The following ZFHX3 variants were observed in gnomAD, a reference collection of about 807,000 sequenced individuals.
The protein encoded by ZFHX3 is zinc finger homeobox 3, also known as zinc finger homeobox protein 3.
In ZFHX3, 42 loss-of-function variants were observed where a neutral mutation model predicts 279.1. That is an observed-to-expected ratio of 0.15 (90% CI 0.12 to 0.19). ZFHX3 has a LOEUF of 0.19. ZFHX3 is among the 10% of genes least tolerant of loss of function. The pLI is 1.00. For synonymous variants in ZFHX3, 2,293 were observed against 1,957.8 expected (o/e 1.17, Z -4.52); for missense variants, 4,981 against 4,754.0 (o/e 1.05, Z -1.40).
At chr16:73,739,062 C>T (rs1363415708) in intron 1 of ZFHX3, among the ~76,000 whole-genome samples, 1 of 152,182 alleles carries the variant, frequency 6.6e-6, no homozygotes, top group Non-Finnish European at 1.5e-5. Context: ...AAGGAGCGGT[C>T]GAGGCTTCCT....
At chr16:73,666,773 T>C (rs2052846764) in intron 2 of ZFHX3, among the ~76,000 whole-genome samples, 1 of 151,862 alleles carries the variant, frequency 6.6e-6, no homozygotes, top group Admixed American at 6.6e-5. Flanking sequence ...AGTCAATCCA[T>C]CTGCCCTGTC....
At chr16:73,418,349 A>G (rs532033303) in intron 3 of ZFHX3, among the ~76,000 whole-genome samples, 3 of 69,204 alleles carry the variant, frequency 4.3e-5, no homozygotes, top group African/African-American at 9.5e-5. Flanking sequence ...CTCAACTCCC[A>G]GAAGCTACCT....
chr16:73,282,572 T>G (rs997208279), intron 4 of ZFHX3, among the ~76,000 whole-genome samples: 2 of 152,202 alleles, frequency 1.3e-5, no homozygotes, highest in African/African-American at 4.8e-5. Flanking sequence ...TTGCTTTGTC[T>G]TTTGTTTTCT....
chr16:73,821,960 T>C (rs980636211), intron 1 of ZFHX3, among the ~76,000 whole-genome samples: 9 of 152,204 alleles, frequency 5.9e-5, no homozygotes, highest in African/African-American at 2.2e-4. Flanking sequence ...TTTCTGATGC[T>C]TGGCAGCCCA....
intron 4 of ZFHX3, among the ~76,000 whole-genome samples, chr16:72,845,900 ATAGC>A (rs2037467249): frequency 6.6e-6 from 1 of 152,212 alleles, no homozygotes; most frequent in African/African-American, 2.4e-5. Context: ...TGAAGGTCAC[ATAGC>A]TAGGAGGTGA....
intron 1 of ZFHX3, among the ~76,000 whole-genome samples, chr16:73,781,002 A>G (rs1162379130): frequency 6.6e-6 from 1 of 152,258 alleles, no homozygotes; most frequent in Non-Finnish European, 1.5e-5. Flanking sequence ...TGTAAAAGCT[A>G]CAGCTTTTGC....
rs551906538 is a variant in ZFHX3 at position 73,227,172 on chromosome 16, C to CA, written c.-1104+29874dup. On this transcript the variant is annotated intron_variant, in intron 5 of 17. Coordinates refer to the ZFHX3 transcript ENST00000641206. ...GCATCTCATAATTGGAGTTAAATGA[C>CA]AAAAAAAATGAGGAGATAATAAAGT... 7.6e-4 allele frequency among the ~76,000 whole-genome samples: 114 copies of CA among 150,952 alleles called. 2 individuals are homozygous for CA. The highest frequency in any genetic ancestry group is 7.2e-3 in the South Asian group (34 of 4,750).
chr16:72,996,907 A>G (rs994568153), intron 1 of ZFHX3, among the ~76,000 whole-genome samples: 20 of 152,346 alleles, frequency 1.3e-4, no homozygotes, highest in Admixed American at 8.5e-4. Flanking sequence ...AGGTATTACT[A>G]CTGACAACTG....
At chr16:73,791,510 C>T (rs996309735) in intron 1 of ZFHX3, among the ~76,000 whole-genome samples, 12 of 152,110 alleles carry the variant, frequency 7.9e-5, no homozygotes, top group African/African-American at 2.4e-4. Flanking sequence ...CTGCGACCTC[C>T]GTCTCCCAGG....
chr16:73,512,731 G>T (rs1167700816), intron 2 of ZFHX3, among the ~76,000 whole-genome samples: 2 of 152,202 alleles, frequency 1.3e-5, no homozygotes, highest in African/African-American at 4.8e-5. Flanking sequence ...TAGTAAACAG[G>T]CAAGAGAAGA....
intron 1 of ZFHX3, among the ~76,000 whole-genome samples, chr16:73,044,490 T>G (rs919779310): frequency 6.6e-6 from 1 of 151,882 alleles, no homozygotes; most frequent in Non-Finnish European, 1.5e-5. Flanking sequence ...CGAGTGAGGG[T>G]GAGATGGAGT....
chr16:73,383,362 C>T (rs573488855), intron 3 of ZFHX3, among the ~76,000 whole-genome samples: 3 of 152,254 alleles, frequency 2.0e-5, no homozygotes, highest in Admixed American at 6.5e-5. Flanking sequence ...GGCAAAAAGC[C>T]GAGGCTGTAG....
chr16:73,142,709 T>C (rs1228170808), intron 6 of ZFHX3, among the ~76,000 whole-genome samples: 2 of 152,208 alleles, frequency 1.3e-5, no homozygotes, highest in African/African-American at 4.8e-5. Flanking sequence ...GATGTTGATA[T>C]GGTAATAAAA....
intron 3 of ZFHX3, among the ~76,000 whole-genome samples, chr16:72,929,043 G>C (rs1036855696): frequency 1.3e-5 from 2 of 151,904 alleles, no homozygotes; most frequent in African/African-American, 2.4e-5. Context: ...TTCAAGAACA[G>C]TCAGGCCAAC....
rs142816083 is a variant in ZFHX3 at position 73,705,152 on chromosome 16, C to A, written c.-1607-24912G>T. 4.2e-3 allele frequency among the ~76,000 whole-genome samples: 637 copies of A among 152,262 alleles called. 28 individuals are homozygous for A. Among genetic ancestry groups the A allele is most frequent in the Admixed American group, 0.037 (571 of 15,306 alleles). On this transcript the variant is annotated intron_variant, in intron 1 of 17. Transcript: ENST00000641206. ...AAAATAATTACAAAGTGATTATTAT[C>A]TTTGCTTTTAATATAATTTAATTAT...
intron 1 of ZFHX3, among the ~76,000 whole-genome samples, chr16:73,771,495 C>T (rs545033758): frequency 1.9e-4 from 29 of 152,280 alleles, no homozygotes; most frequent in Non-Finnish European, 3.2e-4. Flanking sequence ...AGGAATTTTC[C>T]TCATTGGCCT....
chr16:73,790,858 C>A (rs1026223074), intron 1 of ZFHX3, among the ~76,000 whole-genome samples: 1 of 152,232 alleles, frequency 6.6e-6, no homozygotes, highest in Non-Finnish European at 1.5e-5. Context: ...TTCCACCAGT[C>A]AGAACTGGAA....
chr16:73,766,773 C>G (rs1033636726), intron 1 of ZFHX3, among the ~76,000 whole-genome samples: 2 of 152,098 alleles, frequency 1.3e-5, no homozygotes, highest in South Asian at 2.1e-4. Context: ...TGTCGCCACT[C>G]ACTGTGCCCA....
intron 5 of ZFHX3, among the ~76,000 whole-genome samples, chr16:73,202,874 T>C (rs2011657578): frequency 6.7e-6 from 1 of 149,074 alleles, no homozygotes; most frequent in Non-Finnish European, 1.5e-5. Flanking sequence ...CTGAACTACC[T>C]GGGGTGCCAC....
Sources: gnomAD v4.1 joint callset for allele counts (sites outside exome capture counted in the v4.1 genomes callset) on GRCh38, gnomAD v4.1.1 for gene constraint, MANE v1.5 for transcripts, NCBI Gene and HGNC (gene_info 2026-07-23, HGNC 2026-07-21) for gene names.